Variants in PTPRD observed in about 807,000 individuals in gnomAD.
The protein encoded by PTPRD is protein tyrosine phosphatase receptor type D.
PTPRD carries 34 observed loss-of-function variants against 214.5 expected under a neutral mutation model. That is an observed-to-expected ratio of 0.16 (90% CI 0.12 to 0.21). The LOEUF (loss-of-function observed/expected upper bound fraction) is 0.21. Among genes scored for constraint, PTPRD ranks in the 10% least tolerant of loss-of-function variants. The probability of loss-of-function intolerance (pLI) is 1.00; values close to 1 mark genes in which losing one functional copy is unlikely to be tolerated. For synonymous variants in PTPRD, 1,128 were observed against 845.7 expected (o/e 1.33, Z -5.79); for missense variants, 2,545 against 2,398.7 (o/e 1.06, Z -1.27).
chr9:9,878,280 T>C (rs2067510351), intron 5 of PTPRD, among the ~76,000 whole-genome samples: 1 of 152,186 alleles, frequency 6.6e-6, no homozygotes, highest in South Asian at 2.1e-4. Context: ...TATTACATCA[T>C]GCTAGATATT....
At chr9:9,747,539 GTTTTT>G (rs35627464) in intron 6 of PTPRD, among the ~76,000 whole-genome samples, 23 of 132,860 alleles carry the variant, frequency 1.7e-4, no homozygotes, top group African/African-American at 5.7e-4. Flanking sequence ...AATCTTTTTT[GTTTTT>G]TTTTTTTTTT....
At position 8,319,980 on chromosome 9, in the gene PTPRD, A is replaced by G; in HGVS notation, c.5535-14T>C. 3.7e-6 allele frequency: 6 copies of G among 1,610,584 alleles called. No individual in the cohort carries two copies. Among genetic ancestry groups the G allele is most frequent in the Non-Finnish European group, 5.1e-6 (6 of 1,178,512 alleles). On this transcript the variant is annotated splice_polypyrimidine_tract_variant and intron_variant, in intron 44 of 45. Coordinates refer to ENST00000381196, the MANE Select transcript of PTPRD (RefSeq NM_002839.4). ...CCAACGCCCGCGCTGCCACAATAAC[A>G]AAGGCGATGTTACTGGGTGAGATGT...
At chr9:9,379,022 A>T (rs536577224) in intron 9 of PTPRD, among the ~76,000 whole-genome samples, 2 of 151,606 alleles carry the variant, frequency 1.3e-5, no homozygotes, top group East Asian at 3.9e-4. Context: ...AGCCCAGCTT[A>T]TCAATTATTT....
chr9:8,904,315 C>T (rs1466433736), intron 11 of PTPRD, among the ~76,000 whole-genome samples: 2 of 152,034 alleles, frequency 1.3e-5, no homozygotes, highest in Non-Finnish European at 1.5e-5. Flanking sequence ...AATATATATC[C>T]ATATTCAAAT....
intron 2 of PTPRD, among the ~76,000 whole-genome samples, chr9:10,358,349 T>C (rs1236245384): frequency 6.6e-6 from 1 of 152,018 alleles, no homozygotes; most frequent in African/African-American, 2.4e-5. Context: ...GGAATAAAGA[T>C]AGCAAATAAA....
intron 8 of PTPRD, among the ~76,000 whole-genome samples, chr9:9,478,352 A>T (rs1005502860): frequency 3.9e-5 from 6 of 152,210 alleles, no homozygotes; most frequent in African/African-American, 1.4e-4. Flanking sequence ...TTGGATTCTG[A>T]CATTCTGAGA....
At chr9:9,163,518 C>T (rs764580127) in intron 10 of PTPRD, among the ~76,000 whole-genome samples, 3 of 152,042 alleles carry the variant, frequency 2.0e-5, no homozygotes, top group Non-Finnish European at 4.4e-5. Context: ...GAGATCCAAG[C>T]CAATACTATG....
At chr9:10,347,570 C>T (rs2097108492) in intron 2 of PTPRD, among the ~76,000 whole-genome samples, 1 of 151,718 alleles carries the variant, frequency 6.6e-6, no homozygotes, top group Non-Finnish European at 1.5e-5. Flanking sequence ...GCCACTACAC[C>T]CGGCTAATTT....
intron 11 of PTPRD, among the ~76,000 whole-genome samples, chr9:8,943,933 C>T (rs950890693): frequency 2.0e-5 from 3 of 151,786 alleles, no homozygotes; most frequent in African/African-American, 7.3e-5. Context: ...TTCTGCACAG[C>T]AAAGGGAACA....
chr9:8,571,145 T>A (rs1168556407), intron 14 of PTPRD, among the ~76,000 whole-genome samples: 1 of 152,040 alleles, frequency 6.6e-6, no homozygotes, highest in Non-Finnish European at 1.5e-5. Context: ...ATTTGGTGTT[T>A]ATCACCAGAG....
In PTPRD at chr9:10,365,580, T is replaced by C. The variant is rs535350585; in HGVS notation, c.-599-24563A>G. 9.2e-5 allele frequency among the ~76,000 whole-genome samples: 14 copies of C among 152,290 alleles called. No homozygotes were observed. In the South Asian group the frequency reaches 2.9e-3, roughly 32 times the overall value. On this transcript the variant is annotated intron_variant, in intron 2 of 45. Coordinates refer to ENST00000381196, the MANE Select transcript of PTPRD (RefSeq NM_002839.4). ...CACTGACTTTCTATCGTACTTTAAA[T>C]GTATTTTCTGAGACACTCCAGATTA... is the stretch of plus-strand genomic sequence containing the variant.
chr9:8,939,814 A>G (rs950857580), intron 11 of PTPRD, among the ~76,000 whole-genome samples: 3 of 152,146 alleles, frequency 2.0e-5, no homozygotes, highest in Non-Finnish European at 2.9e-5. Flanking sequence ...TAATACAGAC[A>G]TGGATGTTCA....
intron 7 of PTPRD, among the ~76,000 whole-genome samples, chr9:9,602,437 A>G (rs763335718): frequency 2.6e-5 from 4 of 152,054 alleles, no homozygotes; most frequent in Non-Finnish European, 4.4e-5. Flanking sequence ...TGGTGAAACA[A>G]TAACCATCAA....
intron 7 of PTPRD, among the ~76,000 whole-genome samples, chr9:9,732,217 T>G (rs2098209428): frequency 6.6e-6 from 1 of 152,014 alleles, no homozygotes; most frequent in African/African-American, 2.4e-5. Context: ...CTTATTAGCT[T>G]TGAGATTTCT....
chr9:8,508,780 TA>T (rs753032112), intron 21 of PTPRD, among the ~76,000 whole-genome samples: 4 of 152,130 alleles, frequency 2.6e-5, no homozygotes, highest in Non-Finnish European at 5.9e-5. Flanking sequence ...ACTATGGCTT[TA>T]AAAAATGCCC....
chr9:8,692,658 G>C (rs1565324756), intron 12 of PTPRD, among the ~76,000 whole-genome samples: 2 of 152,168 alleles, frequency 1.3e-5, no homozygotes, highest in Non-Finnish European at 2.9e-5. Context: ...AATCAAGTAA[G>C]TCAGGAACGT....
intron 10 of PTPRD, among the ~76,000 whole-genome samples, chr9:9,109,063 G>C (rs779722112): frequency 6.6e-6 from 1 of 152,066 alleles, no homozygotes; most frequent in Non-Finnish European, 1.5e-5. Context: ...AAATGATATG[G>C]GGATGGGGTG....
At chr9:9,811,691 A>G (rs2047200272) in intron 5 of PTPRD, among the ~76,000 whole-genome samples, 1 of 152,178 alleles carries the variant, frequency 6.6e-6, no homozygotes, top group South Asian at 2.1e-4. Flanking sequence ...TGGGTGACAG[A>G]GCGAGACTCC....
chr9:8,549,561 G>C (rs1315490360), intron 14 of PTPRD, among the ~76,000 whole-genome samples: 1 of 152,094 alleles, frequency 6.6e-6, no homozygotes, highest in African/African-American at 2.4e-5. Flanking sequence ...AAAGGGATAA[G>C]AACAATTATA....
Sources: allele counts gnomAD v4.1 joint callset (sites outside exome capture counted in the v4.1 genomes callset), GRCh38; gene constraint gnomAD v4.1.1; transcripts MANE v1.5; gene names NCBI Gene and HGNC (gene_info 2026-07-23, HGNC 2026-07-21).